Variants in NRG1 observed in about 807,000 individuals in gnomAD.
The protein encoded by NRG1 is neuregulin 1.
Under a neutral mutation model 63.8 loss-of-function variants are expected in NRG1, and 18 were observed. The ratio of observed to expected loss-of-function variants is 0.28; its 90% CI spans 0.19 to 0.42. The LOEUF is 0.42. NRG1 is among the 10% of genes least tolerant of loss of function. The pLI, the probability that NRG1 is intolerant of heterozygous loss-of-function variation, is 1.00. For synonymous variants in NRG1, 302 were observed against 301.3 expected (o/e 1.00, Z -0.02); for missense variants, 762 against 814.7 (o/e 0.94, Z 0.79).
At chr8:31,656,809 A>G (rs996883628) in intron 1 of NRG1, among the ~76,000 whole-genome samples, 2 of 152,160 alleles carry the variant, frequency 1.3e-5, no homozygotes, top group African/African-American at 4.8e-5. Context: ...AGAATTAACT[A>G]CCATTCATAG....
intron 5 of NRG1, among the ~76,000 whole-genome samples, chr8:32,710,258 G>C (rs1817480182): frequency 1.3e-5 from 2 of 152,118 alleles, no homozygotes; most frequent in South Asian, 4.1e-4. Context: ...TGTCCCTGGA[G>C]ATAATTTTTT....
At chr8:31,753,116 C>T (rs1463434940) in intron 1 of NRG1, among the ~76,000 whole-genome samples, 6 of 151,834 alleles carry the variant, frequency 4.0e-5, no homozygotes, top group Admixed American at 2.6e-4. Flanking sequence ...GCTGTAACAC[C>T]CCTATGATAT....
chr8:32,384,197 A>G (rs1810703894), intron 1 of NRG1, among the ~76,000 whole-genome samples: 1 of 152,190 alleles, frequency 6.6e-6, no homozygotes, highest in Admixed American at 6.5e-5. Flanking sequence ...TGATTGCACC[A>G]CTACACTCCA....
Position 32,742,759 on chromosome 8 carries a change from G to A in NRG1, c.691+26G>A, listed in dbSNP as rs1310552562. On this transcript the variant is annotated intron_variant, in intron 7 of 11. Coordinates refer to ENST00000356819, the Ensembl canonical transcript of NRG1. The surrounding 1 kb of genome is among the most constrained non-coding windows in gnomAD (Gnocchi z 4.2). ...GTACGTCCACTCCCTTTCTGTCTCT[G>A]CCTGAATAGGAGCATGCTCAGTTGG... is the stretch of plus-strand genomic sequence containing the variant. 5.6e-6 allele frequency: 9 copies of A among 1,613,592 alleles called. No individual in the cohort carries two copies. Among genetic ancestry groups the A allele is most frequent in the Non-Finnish European group, 7.6e-6 (9 of 1,179,654 alleles).
At chr8:32,360,531 T>C (rs866681256) in intron 1 of NRG1, among the ~76,000 whole-genome samples, 6 of 152,244 alleles carry the variant, frequency 3.9e-5, no homozygotes, top group African/African-American at 1.4e-4. Flanking sequence ...TTTCTGAATT[T>C]TATGATGCTT....
chr8:31,897,067 T>C (rs2129614713), intron 1 of NRG1, among the ~76,000 whole-genome samples: 1 of 152,342 alleles, frequency 6.6e-6, no homozygotes, highest in African/African-American at 2.4e-5. Context: ...TATTATTGTC[T>C]TCGTTCCCAT....
chr8:32,163,263 C>T (rs1839039994), intron 1 of NRG1, among the ~76,000 whole-genome samples: 1 of 152,156 alleles, frequency 6.6e-6, no homozygotes, highest in African/African-American at 2.4e-5. Context: ...CTCAAGCCTC[C>T]TTTGTATGTG....
chr8:32,163,504 G>T (rs1181376983), intron 1 of NRG1, among the ~76,000 whole-genome samples: 1 of 152,148 alleles, frequency 6.6e-6, no homozygotes, highest in Non-Finnish European at 1.5e-5. Context: ...TCCTTGGCAA[G>T]AAGAAAAAGA....
chr8:31,721,851 C>T (rs912087024), intron 1 of NRG1, among the ~76,000 whole-genome samples: 1 of 152,086 alleles, frequency 6.6e-6, no homozygotes, highest in African/African-American at 2.4e-5. Flanking sequence ...TCTACTCGCT[C>T]ACCTTCTATT....
intron 1 of NRG1, chr8:31,639,812 C>A (rs2130818555): frequency 8.1e-7 from 1 of 1,236,514 alleles, no homozygotes; most frequent in African/African-American, 1.6e-5. Context: ...TCTTCCCCCT[C>A]CTCCTCCCAT....
chr8:32,252,898 A>G (rs1006331703), intron 1 of NRG1, among the ~76,000 whole-genome samples: 2 of 152,274 alleles, frequency 1.3e-5, no homozygotes, highest in Non-Finnish European at 2.9e-5. Flanking sequence ...TTCTCCTTGA[A>G]GACGTCCTTC....
intron 6 of NRG1, among the ~76,000 whole-genome samples, chr8:32,736,446 C>T (rs535320809): frequency 3.3e-5 from 5 of 152,260 alleles, no homozygotes; most frequent in Non-Finnish European, 7.4e-5. Flanking sequence ...GTAGACACTG[C>T]CACCTCGAGT....
intron 1 of NRG1, among the ~76,000 whole-genome samples, chr8:32,049,723 C>G (rs1821667144): frequency 6.6e-6 from 1 of 152,104 alleles, no homozygotes; most frequent in African/African-American, 2.4e-5. Flanking sequence ...TTCTGAATGA[C>G]AGTTCTGTAT....
At chr8:32,124,547 T>C (rs561803141) in intron 1 of NRG1, among the ~76,000 whole-genome samples, 1 of 152,074 alleles carries the variant, frequency 6.6e-6, no homozygotes, top group East Asian at 1.9e-4. Context: ...AACTAAGTTA[T>C]GATACAATCA....
chr8:31,957,901 T>C (rs1804718140), intron 1 of NRG1, among the ~76,000 whole-genome samples: 1 of 152,220 alleles, frequency 6.6e-6, no homozygotes, highest in Non-Finnish European at 1.5e-5. Flanking sequence ...GAGAAGAATA[T>C]GTTGAGTTGA....
Position 31,817,675 on chromosome 8 carries a change from G to C in NRG1, c.37+178244G>C, listed in dbSNP as rs149700185. Reference sequence around the variant, plus strand: ...TGTGTTTAAACTTTCTCAGCATTGAGGCATGTGATTAAAAGGAGCTATTTT... The same window carrying C: ...TGTGTTTAAACTTTCTCAGCATTGACGCATGTGATTAAAAGGAGCTATTTT... On this transcript the variant is annotated intron_variant, in intron 1 of 10. Coordinates refer to the NRG1 transcript ENST00000519301. Among the ~76,000 whole-genome samples the C allele has an allele frequency of 4.7e-4, 71 of 152,256 alleles. 1 individual carries two copies. The highest frequency in any genetic ancestry group is 1.0e-3 in the South Asian group (5 of 4,818).
intron 1 of NRG1, among the ~76,000 whole-genome samples, chr8:31,908,683 A>G (rs183045391): frequency 2.0e-5 from 3 of 152,358 alleles, no homozygotes; most frequent in Admixed American, 6.5e-5. Context: ...AATATTATGT[A>G]AATATTGCCA....
chr8:31,682,793 T>C (rs866684660), intron 1 of NRG1, among the ~76,000 whole-genome samples: 2 of 152,172 alleles, frequency 1.3e-5, no homozygotes, highest in African/African-American at 2.4e-5. Context: ...ACAGATGCAG[T>C]ATAATGCTCA....
chr8:31,745,468 A>G (rs1205522304), intron 1 of NRG1, among the ~76,000 whole-genome samples: 7 of 151,974 alleles, frequency 4.6e-5, no homozygotes, highest in Middle Eastern at 3.2e-3. Context: ...ACAAGTTTAG[A>G]TTTAGGTGAC....
Sources: allele counts gnomAD v4.1 joint callset (sites outside exome capture counted in the v4.1 genomes callset), GRCh38; gene constraint gnomAD v4.1.1; non-coding constraint Gnocchi (gnomAD v3.1); transcripts MANE v1.5; gene names NCBI Gene and HGNC (gene_info 2026-07-23, HGNC 2026-07-21).